Variants in SLC9A4 observed in about 807,000 individuals in gnomAD.
The protein encoded by SLC9A4 is solute carrier family 9 member A4.
In SLC9A4, 63 loss-of-function variants were observed where a neutral mutation model predicts 67.4. That is an observed-to-expected ratio of 0.93 (90% confidence interval 0.76 to 1.15). The LOEUF (loss-of-function observed/expected upper bound fraction) is 1.15, where lower values mean the gene tolerates loss of function less well. SLC9A4 is among the 50% of genes most tolerant of loss of function. SLC9A4 has a pLI of 0.00. For synonymous variants in SLC9A4, 393 were observed against 367.2 expected, an observed-to-expected ratio of 1.07 and a Z score of -0.80; for missense variants, 1,089 against 987.7, an observed-to-expected ratio of 1.10 and a Z score of -1.38.
intron 1 of SLC9A4, among the ~76,000 whole-genome samples, chr2:102,477,259 A>G (rs1236102329): frequency 2.0e-5 from 3 of 152,232 alleles, no homozygotes; most frequent in Non-Finnish European, 4.4e-5. Context: ...TGTCAAAGAT[A>G]TCTGGCTGGG....
intron 6 of SLC9A4, 80 bp downstream of exon 6, chr2:102,509,013 T>C: frequency 8.6e-7 from 1 of 1,165,944 alleles, no homozygotes; most frequent in Non-Finnish European, 1.2e-6. Context: ...CACGTGTCAC[T>C]AGACTTCCTC....
intron 2 of SLC9A4, among the ~76,000 whole-genome samples, chr2:102,487,596 T>C (rs886755922): frequency 6.6e-6 from 1 of 152,188 alleles, no homozygotes; most frequent in Non-Finnish European, 1.5e-5. Context: ...ACCTGTTTGG[T>C]TCATTTTCTT....
In SLC9A4 at chr2:102,524,328, G is replaced by T. The variant is rs116377590; in HGVS notation, c.1819-696G>T. Among the ~76,000 whole-genome samples, 282 of 152,312 alleles carry T rather than the reference G, an allele frequency of 1.9e-3. 1 individual carries two copies. The highest frequency in any genetic ancestry group is 6.4e-3 in the African/African-American group (265 of 41,562). On this transcript the variant is annotated intron_variant, in intron 9 of 11. Transcript: ENST00000295269. Reference sequence around the variant, plus strand: ...CTTTAGTGAGCACCAGGAGGGAGAAGAAATTTCAGTTAAGCATTTTGCAAA... The same window carrying T: ...CTTTAGTGAGCACCAGGAGGGAGAATAAATTTCAGTTAAGCATTTTGCAAA...
At chr2:102,520,012 A>AG in intron 9 of SLC9A4, 57 bp downstream of exon 9, 1 of 1,456,654 alleles carries the variant, frequency 6.9e-7, no homozygotes, top group Non-Finnish European at 9.6e-7. Context: ...CAGTCTCTGA[A>AG]GGGGGAGTCT....
Position 102,512,288 on chromosome 2 carries a change from G to A in SLC9A4, c.1559+15G>A, listed in dbSNP as rs1209622067. The A allele has an allele frequency of 6.2e-7, 1 of 1,612,864 alleles. No homozygotes were observed. On this transcript the variant is annotated intron_variant, in intron 7 of 11. Transcript: ENST00000295269. ...GTGAGAGACAAGTAAGGAGGCTGAGGGTTTCACTCCCTGACAAACTTCTAA... is the reference window on the plus strand; with the variant it reads ...GTGAGAGACAAGTAAGGAGGCTGAGAGTTTCACTCCCTGACAAACTTCTAA...
intron 1 of SLC9A4, among the ~76,000 whole-genome samples, chr2:102,475,166 T>C (rs922877772): frequency 1.6e-4 from 24 of 152,258 alleles, no homozygotes; most frequent in African/African-American, 4.8e-4. Context: ...GATCTTACTA[T>C]ATTTTTAAGA....
intron 8 of SLC9A4, among the ~76,000 whole-genome samples, chr2:102,517,428 A>G (rs759126223): frequency 8.7e-4 from 132 of 151,790 alleles, no homozygotes; most frequent in Non-Finnish European, 3.1e-4. Context: ...TTTTTACATT[A>G]TTATAGCAAC....
intron 2 of SLC9A4, among the ~76,000 whole-genome samples, chr2:102,484,575 G>A (rs925077796): frequency 6.6e-5 from 10 of 152,146 alleles, no homozygotes; most frequent in South Asian, 2.1e-4. Flanking sequence ...AGCAGCTCCC[G>A]GACACTGTTT....
At chr2:102,531,465 C>T (rs1407192237) in intron 11 of SLC9A4, among the ~76,000 whole-genome samples, 1 of 152,060 alleles carries the variant, frequency 6.6e-6, no homozygotes, top group African/African-American at 2.4e-5. Context: ...CATGAGGTAG[C>T]CCTCCCTCTT....
chr2:102,507,753 A>G (rs1685078822), intron 4 of SLC9A4, among the ~76,000 whole-genome samples: 1 of 152,204 alleles, frequency 6.6e-6, no homozygotes, highest in Non-Finnish European at 1.5e-5. Context: ...GAAAGGTGGG[A>G]CAAAAATTAT....
chr2:102,479,382 G>A (rs1573325694), intron 2 of SLC9A4, 80 bp downstream of exon 2: 4 of 1,427,928 alleles, frequency 2.8e-6, no homozygotes, highest in Admixed American at 2.1e-5. Context: ...CTGTGGAGAC[G>A]GCTCCAGTGT....
intron 2 of SLC9A4, among the ~76,000 whole-genome samples, chr2:102,502,217 C>A (rs1272075617): frequency 6.6e-6 from 1 of 152,168 alleles, no homozygotes; most frequent in Non-Finnish European, 1.5e-5. Flanking sequence ...ACACCTGCTG[C>A]TGCTTTTCAG....
intron 2 of SLC9A4, among the ~76,000 whole-genome samples, chr2:102,487,646 A>C (rs1684615446): frequency 6.6e-6 from 1 of 152,222 alleles, no homozygotes; most frequent in South Asian, 2.1e-4. Context: ...TGAATTGTAC[A>C]AATTGGCTTT....
At position 102,478,950 on chromosome 2, in the gene SLC9A4, C is replaced by T. The variant is rs761634145; in HGVS notation, c.368C>T (p.Pro123Leu). The change falls in exon 2 of 12, where the codon CCG becomes CTG. Residue 123 changes from proline (P) to leucine (L), a missense_variant. Coordinates refer to ENST00000295269, the MANE Select transcript of SLC9A4 (RefSeq NM_001011552.4). The part of the protein sequence containing the change: ...IIFGTDHKSP[P>L]VMDSSIYFLY... ...TTCGGCACCGACCACAAATCGCCTCCGGTCATGGACTCCAGCATCTACTTC... is the reference window on the plus strand; with the variant it reads ...TTCGGCACCGACCACAAATCGCCTCTGGTCATGGACTCCAGCATCTACTTC... The T allele has an allele frequency of 8.1e-6, 13 of 1,614,054 alleles. No individual in the cohort carries two copies. Among genetic ancestry groups the T allele is most frequent in the East Asian group, 2.2e-5 (1 of 44,870 alleles).
chr2:102,518,716 G>A (rs769818404), intron 8 of SLC9A4, among the ~76,000 whole-genome samples: 1 of 152,078 alleles, frequency 6.6e-6, no homozygotes, highest in Non-Finnish European at 1.5e-5. Context: ...TGCTACTAAT[G>A]TTTTGAAAAA....
chr2:102,475,620 G>A lies in SLC9A4; in HGVS notation c.256+1605G>A, dbSNP rs115871708. 1.2e-3 allele frequency among the ~76,000 whole-genome samples: 183 copies of A among 152,282 alleles called. 2 individuals are homozygous for A. The highest frequency in any genetic ancestry group is 4.3e-3 in the African/African-American group (179 of 41,556). On this transcript the variant is annotated intron_variant, in intron 1 of 11. Coordinates refer to ENST00000295269, the MANE Select transcript of SLC9A4 (RefSeq NM_001011552.4). ...TGGTTTAAATGTTCTTGATTTTCAT[G>A]ATGTAATTTAACATACTTTAGAAAA...
At chr2:102,496,477 G>A (rs1198638289) in intron 2 of SLC9A4, among the ~76,000 whole-genome samples, 1 of 152,058 alleles carries the variant, frequency 6.6e-6, no homozygotes, top group African/African-American at 2.4e-5. Context: ...AAGCTGAGAG[G>A]CAGAAAAAAG....
intron 2 of SLC9A4, among the ~76,000 whole-genome samples, chr2:102,502,947 T>C (rs1015895437): frequency 6.6e-6 from 1 of 152,190 alleles, no homozygotes; most frequent in Admixed American, 6.5e-5. Context: ...TTTCAGAGCC[T>C]GTGGCTCAGG....
intron 8 of SLC9A4, among the ~76,000 whole-genome samples, chr2:102,517,644 T>C (rs1189584821): frequency 6.6e-6 from 1 of 152,192 alleles, no homozygotes; most frequent in Non-Finnish European, 1.5e-5. Context: ...TGTAAGGTGA[T>C]GGATATCCCA....
Sources: gnomAD v4.1 joint callset for allele counts (sites outside exome capture counted in the v4.1 genomes callset) on GRCh38, gnomAD v4.1.1 for gene constraint, MANE v1.5 for transcripts, NCBI Gene and HGNC (gene_info 2026-07-23, HGNC 2026-07-21) for gene names.